The following DPP6 variants were observed in gnomAD, a reference collection of about 807,000 sequenced individuals.
DPP6 encodes the protein dipeptidyl peptidase like 6, also known as A-type potassium channel modulatory protein DPP6.
A neutral mutation model predicts 122.6 loss-of-function variants in DPP6; 69 were observed. The observed-to-expected ratio is 0.56, with a 90% CI of 0.46 to 0.69. DPP6 has a LOEUF of 0.69. DPP6 is among the 30% of genes least tolerant of loss of function. The pLI is 0.00. For synonymous variants in DPP6, 418 were observed against 433.1 expected, an observed-to-expected ratio of 0.97 and a Z score of 0.43; for missense variants, 928 against 1,116.9, an observed-to-expected ratio of 0.83 and a Z score of 2.41.
chr7:154,373,304 C>A (rs923384719), intron 1 of DPP6, among the ~76,000 whole-genome samples: 1 of 152,082 alleles, frequency 6.6e-6, no homozygotes, highest in Non-Finnish European at 1.5e-5. Flanking sequence ...GTAGAAATAA[C>A]GATTTAATTC....
At chr7:154,066,268 C>T (rs1345304106) in intron 1 of DPP6, among the ~76,000 whole-genome samples, 3 of 152,080 alleles carry the variant, frequency 2.0e-5, no homozygotes, top group Non-Finnish European at 1.5e-5. Context: ...CTATGTTGGC[C>T]AGGCTGGTGT....
chr7:154,889,139 G>C, intron 23 of DPP6, 133 bp from the exon 24 acceptor site: 1 of 1,380,398 alleles, frequency 7.2e-7, no homozygotes, highest in South Asian at 1.5e-5. Flanking sequence ...GCAGATATAA[G>C]GCATCCCGGT....
At chr7:153,877,635 TAAAG>T in the DPP6 span, among the ~76,000 whole-genome samples, 150 of 152,232 alleles carry the variant, frequency 9.9e-4, no homozygotes, top group African/African-American at 3.5e-3. Context: ...CATGATTGCA[TAAAG>T]AAAGTAGGAA....
rs865848946 is a variant in DPP6 at position 154,779,373 on chromosome 7, C to G, written c.1136+6431C>G. 1.2e-4 allele frequency among the ~76,000 whole-genome samples: 18 copies of G among 151,830 alleles called. 1 individual carries two copies. In the South Asian group the frequency reaches 3.8e-3, roughly 32 times the overall value. On this transcript the variant is annotated intron_variant, in intron 10 of 25. Coordinates refer to ENST00000377770, the MANE Select transcript of DPP6 (RefSeq NM_130797.4). ...ACTTCCACCACCACCACTGTCAGCT[C>G]TCACTTGGTCCCTGTTGCTCTCCAT...
intron 7 of DPP6, among the ~76,000 whole-genome samples, chr7:154,723,938 C>G (rs1841943403): frequency 6.6e-6 from 1 of 152,150 alleles, no homozygotes; most frequent in Non-Finnish European, 1.5e-5. Flanking sequence ...AGTTTAGAGA[C>G]AGAAAACCCA....
At chr7:154,650,023 CA>C (rs1033437180) in intron 6 of DPP6, among the ~76,000 whole-genome samples, 3 of 152,116 alleles carry the variant, frequency 2.0e-5, no homozygotes, top group Non-Finnish European at 4.4e-5. Context: ...AGAAATAAAA[CA>C]GATTCAAAAC....
intron 5 of DPP6, among the ~76,000 whole-genome samples, chr7:154,580,602 G>C (rs1193209873): frequency 1.3e-5 from 2 of 152,142 alleles, no homozygotes; most frequent in African/African-American, 4.8e-5. Context: ...GTCAGGGTCA[G>C]AAACTGACAT....
At chr7:154,437,492 A>C (rs1171866318) in intron 1 of DPP6, among the ~76,000 whole-genome samples, 3 of 152,160 alleles carry the variant, frequency 2.0e-5, no homozygotes, top group Non-Finnish European at 4.4e-5. Flanking sequence ...AGGCTGGTGG[A>C]TGATGACAAA....
chr7:154,389,086 C>A (rs1319727948), intron 1 of DPP6, among the ~76,000 whole-genome samples: 1 of 152,152 alleles, frequency 6.6e-6, no homozygotes, highest in Non-Finnish European at 1.5e-5. Flanking sequence ...CCGCAGTGAG[C>A]ACCCAGTCTC....
chr7:153,802,013 A>G, the DPP6 span, among the ~76,000 whole-genome samples: 1 of 152,192 alleles, frequency 6.6e-6, no homozygotes, highest in Non-Finnish European at 1.5e-5. Flanking sequence ...TTGGAAAGTC[A>G]AAATGAAAAG....
At position 154,662,949 on chromosome 7, in the gene DPP6, C is replaced by T. The variant is rs1318052703; in HGVS notation, c.681-6411C>T. 5.0e-3 allele frequency among the ~76,000 whole-genome samples: 197 copies of T among 39,020 alleles called. 3 individuals carry two copies. The highest frequency in any genetic ancestry group is 5.0e-3 in the African/African-American group (75 of 14,960). The allele number at this position is 39,020 out of a possible 152,430, so 25.6% of individuals were successfully genotyped here. A position where few individuals can be genotyped will look rare whatever the true frequency, so the allele number is the denominator to read the frequency against. On this transcript the variant is annotated intron_variant, in intron 6 of 25. Coordinates refer to ENST00000377770, the MANE Select transcript of DPP6 (RefSeq NM_130797.4). ...GTCATGGTGAATCACCATGGCGTATCGGCCGTAGTGTTCATATAGTCATGG... is the reference window on the plus strand; with the variant it reads ...GTCATGGTGAATCACCATGGCGTATTGGCCGTAGTGTTCATATAGTCATGG...
chr7:154,516,229 C>G (rs1826488923), intron 3 of DPP6, among the ~76,000 whole-genome samples: 1 of 151,614 alleles, frequency 6.6e-6, no homozygotes, highest in Non-Finnish European at 1.5e-5. Context: ...CCCAGATGAC[C>G]AGAAGGACTT....
At chr7:153,838,152 A>G in the DPP6 span, among the ~76,000 whole-genome samples, 34 of 152,272 alleles carry the variant, frequency 2.2e-4, no homozygotes, top group African/African-American at 7.9e-4. Flanking sequence ...TTAAACCACA[A>G]ACTTCATACT....
At chr7:154,169,128 C>T (rs1392727896) in intron 1 of DPP6, among the ~76,000 whole-genome samples, 1 of 152,100 alleles carries the variant, frequency 6.6e-6, no homozygotes, top group African/African-American at 2.4e-5. Context: ...TGAGAGGAGA[C>T]AATCAGTTGC....
intron 1 of DPP6, among the ~76,000 whole-genome samples, chr7:154,291,895 A>G (rs143992858): frequency 6.6e-6 from 1 of 152,310 alleles, no homozygotes; most frequent in East Asian, 1.9e-4. Context: ...TTCCATCTTA[A>G]TACCTCAGAA....
rs753901892 is a variant in DPP6 at position 154,875,757 on chromosome 7, G to A, written c.1884-149G>A. The A allele has an allele frequency of 3.9e-5, 48 of 1,218,174 alleles. No homozygotes were observed. Among genetic ancestry groups the A allele is most frequent in the Non-Finnish European group, 4.7e-5 (42 of 894,766 alleles). 75.5% of individuals were successfully genotyped at this position (1,218,174 alleles called of 1,614,324 possible). Reference sequence around the variant, plus strand: ...TGGATAACACCTGGCTCACCTGCCCGGGGCAACAGAATCTGGGGTATGGAG... The same window carrying A: ...TGGATAACACCTGGCTCACCTGCCCAGGGCAACAGAATCTGGGGTATGGAG... On this transcript the variant is annotated intron_variant, in intron 19 of 25. Coordinates refer to ENST00000377770, the MANE Select transcript of DPP6 (RefSeq NM_130797.4). This position sits in a 1 kb window ranked among gnomAD's most constrained non-coding sequence, Gnocchi z 4.5.
intron 8 of DPP6, among the ~76,000 whole-genome samples, chr7:154,747,463 T>A (rs1843086638): frequency 6.6e-6 from 1 of 152,168 alleles, no homozygotes. Context: ...TTGTATGAAC[T>A]CAAGCAAATT....
intron 5 of DPP6, among the ~76,000 whole-genome samples, chr7:154,595,512 C>T (rs980923753): frequency 2.6e-5 from 4 of 152,206 alleles, no homozygotes; most frequent in Non-Finnish European, 5.9e-5. Context: ...TGTGAGTCTT[C>T]ACACTGATGC....
chr7:154,593,582 G>T (rs1159975739), intron 5 of DPP6, among the ~76,000 whole-genome samples: 3 of 152,204 alleles, frequency 2.0e-5, no homozygotes, highest in Admixed American at 2.0e-4. Flanking sequence ...TGACCTGGTT[G>T]CCACCAATGT....
Sources: gnomAD v4.1 joint callset for allele counts (sites outside exome capture counted in the v4.1 genomes callset) on GRCh38, gnomAD v4.1.1 for gene constraint, Gnocchi (gnomAD v3.1) non-coding constraint, MANE v1.5 for transcripts, NCBI Gene and HGNC (gene_info 2026-07-23, HGNC 2026-07-21) for gene names.